SEC24A: variants seen among roughly 807,000 people sequenced by gnomAD.
SEC24A encodes the protein SEC24 homolog A, COPII component.
Under a neutral mutation model 129.4 loss-of-function variants are expected in SEC24A, and 93 were observed. The ratio of observed to expected loss-of-function variants is 0.72; its 90% CI spans 0.61 to 0.85. The LOEUF is 0.85. Among genes scored for constraint, SEC24A ranks in the 40% least tolerant of loss-of-function variants. SEC24A has a pLI of 0.00. For missense variants in SEC24A, 1,264 were observed against 1,307.4 expected (o/e 0.97, Z 0.51); for synonymous variants, 460 against 467.3 (o/e 0.98, Z 0.20).
intron 3 of SEC24A, among the ~76,000 whole-genome samples, chr5:134,668,526 G>GA (rs1750745230): frequency 6.6e-6 from 1 of 152,182 alleles, no homozygotes; most frequent in African/African-American, 2.4e-5. Flanking sequence ...AGGAGTTCCA[G>GA]ACCAGCCTGG....
chr5:134,687,198 G>A (rs1751483418), intron 10 of SEC24A, among the ~76,000 whole-genome samples: 1 of 152,022 alleles, frequency 6.6e-6, no homozygotes, highest in Admixed American at 6.6e-5. Flanking sequence ...TTCCCACCTT[G>A]AGTATTTGAA....
intron 13 of SEC24A, among the ~76,000 whole-genome samples, chr5:134,696,674 A>G (rs921959135): frequency 2.0e-5 from 3 of 151,776 alleles, no homozygotes; most frequent in African/African-American, 7.3e-5. Context: ...AATTTTTTGT[A>G]TTTTTAGTAG....
intron 1 of SEC24A, among the ~76,000 whole-genome samples, chr5:134,650,348 T>C (rs986432182): frequency 1.3e-5 from 2 of 152,214 alleles, no homozygotes; most frequent in African/African-American, 4.8e-5. Flanking sequence ...GGATTTTTCT[T>C]ATAATCTATA....
chr5:134,676,149 T>G, intron 7 of SEC24A, 24 bp downstream of exon 7: 1 of 1,564,070 alleles, frequency 6.4e-7, no homozygotes, highest in Non-Finnish European at 8.7e-7. Flanking sequence ...CTTTTCTTTT[T>G]TTTTTTTTGA....
At chr5:134,699,032 C>T (rs949420494) in intron 15 of SEC24A, among the ~76,000 whole-genome samples, 2 of 151,522 alleles carry the variant, frequency 1.3e-5, no homozygotes, top group Non-Finnish European at 2.9e-5. Flanking sequence ...CTCAAGTGAT[C>T]CTCCCACCTC....
intron 17 of SEC24A, among the ~76,000 whole-genome samples, chr5:134,707,778 G>A (rs246344): frequency 0.86 from 130,296 of 152,042 alleles, 56,385 homozygotes; most frequent in East Asian, 0.99. Flanking sequence ...TATTTTTAGT[G>A]CCACATGGAT....
At chr5:134,706,991 C>A (rs1398551156) in intron 17 of SEC24A, among the ~76,000 whole-genome samples, 1 of 151,830 alleles carries the variant, frequency 6.6e-6, no homozygotes, top group African/African-American at 2.4e-5. Context: ...GCCTGGCCCT[C>A]AACCAGCTAA....
chr5:134,724,852 G>A (rs1752721880), intron 22 of SEC24A, 128 bp from the exon 23 acceptor site: 2 of 603,922 alleles, frequency 3.3e-6, no homozygotes, highest in East Asian at 3.1e-5. Context: ...AGTATTCTCA[G>A]AGAAAGCCTC....
intron 22 of SEC24A, among the ~76,000 whole-genome samples, chr5:134,724,608 G>A (rs1042065241): frequency 2.7e-5 from 4 of 150,026 alleles, no homozygotes; most frequent in African/African-American, 4.9e-5. Context: ...AAAAAGGCTC[G>A]GTAGAATTCC....
intron 1 of SEC24A, among the ~76,000 whole-genome samples, chr5:134,652,201 C>A (rs573216230): frequency 6.6e-6 from 1 of 152,074 alleles, no homozygotes; most frequent in South Asian, 2.1e-4. Context: ...GGATTACAGG[C>A]GTGAGCCACC....
Position 134,718,153 on chromosome 5 carries a change from T to C in SEC24A, c.2950T>C (p.Phe984Leu). 1 of 1,613,748 alleles carries C rather than the reference T, an allele frequency of 6.2e-7. No homozygotes were observed. Among genetic ancestry groups the C allele is most frequent in the Non-Finnish European group, 8.5e-7 (1 of 1,179,640 alleles). ...SVEKLSRDGAFLMDAGSVLML... is the reference protein window; with the variant it reads ...SVEKLSRDGALLMDAGSVLML... Reference sequence around the variant, plus strand: ...GGAGAAGCTGAGCAGAGATGGAGCTTTCCTCATGGATGCAGGCTCTGTAAG... The same window carrying C: ...GGAGAAGCTGAGCAGAGATGGAGCTCTCCTCATGGATGCAGGCTCTGTAAG... The change falls in exon 20 of 23, where the codon TTC (phenylalanine) becomes CTC (leucine). Residue 984 changes from phenylalanine (F) to leucine (L), a missense_variant. By Grantham distance (22) the Phe-to-Leu change is conservative. Coordinates refer to ENST00000398844, the MANE Select transcript of SEC24A (RefSeq NM_021982.3).
At chr5:134,707,434 A>G (rs1430832406) in intron 17 of SEC24A, among the ~76,000 whole-genome samples, 1 of 151,528 alleles carries the variant, frequency 6.6e-6, no homozygotes, top group Non-Finnish European at 1.5e-5. Flanking sequence ...GGTTCACGCC[A>G]TTCGCCTGCC....
intron 19 of SEC24A, among the ~76,000 whole-genome samples, chr5:134,716,567 G>T (rs2150112056): frequency 6.6e-6 from 1 of 151,862 alleles, no homozygotes; most frequent in Non-Finnish European, 1.5e-5. Context: ...GGAGGCCAAG[G>T]CAAGTGGATC....
chr5:134,698,478 G>A (rs952951574), intron 15 of SEC24A, among the ~76,000 whole-genome samples: 4 of 151,738 alleles, frequency 2.6e-5, no homozygotes, highest in East Asian at 1.9e-4. Context: ...GGTGGTGCAC[G>A]TCTGTAGTCC....
chr5:134,708,753 G>A lies in SEC24A; in HGVS notation c.2592G>A (p.Arg864=), dbSNP rs1283816325. The change falls in exon 18 of 23, where the codon CGG becomes CGA. Residue 864 remains arginine (R), a synonymous_variant. Transcript: ENST00000398844. ...TGACTGCCAGTCTGAGTGACGCTCG[G>A]GATGCTCTAGTGAATGCAGTCATTG... is the stretch of plus-strand genomic sequence containing the variant. ...RSMTASLSDA[R]DALVNAVIDS... is the part of the protein sequence containing the mutation. 4 of 1,614,002 alleles carry A rather than the reference G, an allele frequency of 2.5e-6. No homozygotes were observed. The South Asian group carries it at 4.4e-5, about 18-fold the overall frequency.
At chr5:134,695,060 T>C (rs1322718243) in intron 13 of SEC24A, among the ~76,000 whole-genome samples, 1 of 152,028 alleles carries the variant, frequency 6.6e-6, no homozygotes, top group African/African-American at 2.4e-5. Flanking sequence ...TGCCCCTTTG[T>C]TTCTTTATAT....
At chr5:134,701,604 G>A (rs1250485579) in intron 15 of SEC24A, among the ~76,000 whole-genome samples, 6 of 151,740 alleles carry the variant, frequency 4.0e-5, no homozygotes, top group South Asian at 2.1e-4. Flanking sequence ...TTCGCCTCCC[G>A]GGGTCCAGTG....
At position 134,661,102 on chromosome 5, in the gene SEC24A, C is replaced by T. The variant is rs200171397; in HGVS notation, c.98-17C>T. ...ATATTCGTTGGTAAGACTAATTTTT[C>T]CTCCTTTTATTGGAAGGTCCTGTCC... On this transcript the variant is annotated splice_polypyrimidine_tract_variant and intron_variant, in intron 1 of 22. Coordinates refer to ENST00000398844, the MANE Select transcript of SEC24A (RefSeq NM_021982.3). 25 of 1,537,962 alleles carry T rather than the reference C, an allele frequency of 1.6e-5. No homozygotes were observed. In the Admixed American group the frequency reaches 3.3e-4, roughly 20 times the overall value.
chr5:134,703,998 T>G, intron 16 of SEC24A, 66 bp downstream of exon 16: 1 of 1,118,466 alleles, frequency 8.9e-7, no homozygotes. Context: ...AATGTCAAAA[T>G]GGGCTATAAA....
Sources: gnomAD v4.1 joint callset for allele counts (sites outside exome capture counted in the v4.1 genomes callset) on GRCh38, gnomAD v4.1.1 for gene constraint, MANE v1.5 for transcripts, NCBI Gene and HGNC (gene_info 2026-07-23, HGNC 2026-07-21) for gene names.